AGO3: variants seen among roughly 807,000 people sequenced by gnomAD.
AGO3 encodes the protein argonaute RISC catalytic component 3.
Under a neutral mutation model 105.5 loss-of-function variants are expected in AGO3, and 16 were observed. The ratio of observed to expected loss-of-function variants is 0.15; its 90% confidence interval spans 0.10 to 0.23. The LOEUF is 0.23. AGO3 is among the 10% of genes least tolerant of loss of function. The pLI is 1.00. For missense variants in AGO3, 534 were observed against 1,088.0 expected (o/e 0.49, Z 7.16); for synonymous variants, 340 against 367.3 (o/e 0.93, Z 0.85).
rs549911987 is a variant in AGO3 at position 36,033,218 on chromosome 1, T to A, written c.1592-956T>A. On this transcript the variant is annotated intron_variant, in intron 12 of 18. Coordinates refer to ENST00000373191, the MANE Select transcript of AGO3 (RefSeq NM_024852.4). The stretch of plus-strand genomic sequence containing the variant: ...TAGGTGAGGTGGTGCACACCTGTAA[T>A]CCCAGCTACTCGGGAGGCTGAGGTA... 4.6e-5 allele frequency among the ~76,000 whole-genome samples: 7 copies of A among 151,026 alleles called. No homozygotes were observed. The East Asian group carries it at 1.4e-3, about 29-fold the overall frequency.
At chr1:36,015,565 A>G (rs1640863362) in intron 11 of AGO3, among the ~76,000 whole-genome samples, 1 of 152,224 alleles carries the variant, frequency 6.6e-6, no homozygotes, top group Non-Finnish European at 1.5e-5. Flanking sequence ...GAAGCTACCT[A>G]TAGGCTACCA....
intron 1 of AGO3, among the ~76,000 whole-genome samples, chr1:35,938,821 T>C (rs72661626): frequency 0.029 from 4,408 of 152,296 alleles, 102 homozygotes; most frequent in Admixed American, 0.05. Flanking sequence ...GTATATGTTA[T>C]AGTTGATTTT....
rs567553342 is a variant in AGO3 at position 35,981,817 on chromosome 1, G to A, written c.658+8306G>A. On this transcript the variant is annotated intron_variant, in intron 5 of 18. Coordinates refer to ENST00000373191, the MANE Select transcript of AGO3 (RefSeq NM_024852.4). Reference sequence around the variant, plus strand: ...CTCAGTTCTAAACATTGTAGTTCCCGCTTGGTATAGATTCTTTTCTTTCTG... The same window carrying A: ...CTCAGTTCTAAACATTGTAGTTCCCACTTGGTATAGATTCTTTTCTTTCTG... Among the ~76,000 whole-genome samples, 6 of 152,060 alleles carry A rather than the reference G, an allele frequency of 3.9e-5. 1 individual carries two copies. In the South Asian group the frequency reaches 1.0e-3, roughly 26 times the overall value.
At chr1:35,995,209 A>AAAAAAATATATATATATATAT (rs1237315557) in intron 5 of AGO3, among the ~76,000 whole-genome samples, 2 of 114,790 alleles carry the variant, frequency 1.7e-5, no homozygotes, top group African/African-American at 3.8e-5. Flanking sequence ...TAAAAAAAAA[A>AAAAAAATATATATATATATAT]ATATATATAT....
In AGO3 at chr1:35,942,863, A is replaced by G. The variant is rs1037399418; in HGVS notation, c.20-2829A>G. On this transcript the variant is annotated intron_variant, in intron 1 of 18. Coordinates refer to ENST00000373191, the MANE Select transcript of AGO3 (RefSeq NM_024852.4). ...ATTTTCTATAACTGAAACTATATCC[A>G]TTTAACAAATCTGCATTTGCTCATA... Among the ~76,000 whole-genome samples, 14 of 152,334 alleles carry G rather than the reference A, an allele frequency of 9.2e-5. No individual in the cohort carries two copies. In the South Asian group the frequency reaches 2.3e-3, roughly 25 times the overall value.
Position 36,055,228 on chromosome 1 carries a change from C to T in AGO3, c.2474+83C>T, listed in dbSNP as rs1262148348. The stretch of plus-strand genomic sequence containing the variant: ...ATTTTCAAGTTCCACAAGCTATTAG[C>T]GGAGTCAGTGATCCATGTGAAAAAT... On this transcript the variant is annotated intron_variant, in intron 18 of 18. Transcript: ENST00000373191. The surrounding 1 kb of genome is among the most constrained non-coding windows in gnomAD (Gnocchi z 4.4). The T allele has an allele frequency of 1.3e-5, 18 of 1,409,554 alleles. No homozygotes were observed. The highest frequency in any genetic ancestry group is 5.0e-5 in the East Asian group (2 of 40,144). 87.3% of individuals were successfully genotyped at this position (1,409,554 alleles called of 1,614,324 possible). A position where few individuals can be genotyped will look rare whatever the true frequency, so the allele number is the denominator to read the frequency against.
Position 36,056,236 on chromosome 1 carries a change from A to T in AGO3, c.*491A>T, listed in dbSNP as rs1642912958. 6.5e-6 allele frequency: 1 copy of T among 153,578 alleles called. No individual in the cohort carries two copies. The highest frequency in any genetic ancestry group is 2.0e-4 in the South Asian group (1 of 4,938). 9.5% of individuals were successfully genotyped at this position (153,578 alleles called of 1,614,324 possible). On this transcript the variant is annotated 3_prime_UTR_variant, in exon 19 of 19. Coordinates refer to ENST00000373191, the MANE Select transcript of AGO3 (RefSeq NM_024852.4). ...TAAAATATATACATCCATACTTCAT[A>T]TGCATATATATCTAGATCTGGATTG... is the stretch of plus-strand genomic sequence containing the variant.
upstream of AGO3, chr1:35,930,734 C>G (rs1308555409): frequency 6.5e-6 from 1 of 154,750 alleles, no homozygotes; most frequent in African/African-American, 2.4e-5. Context: ...GAGGGTGGCC[C>G]TACCCCAGCG....
chr1:35,981,234 AT>A, intron 5 of AGO3, among the ~76,000 whole-genome samples: 1 of 152,076 alleles, frequency 6.6e-6, no homozygotes, highest in Middle Eastern at 3.2e-3. Flanking sequence ...TTTCTATGGT[AT>A]TATTGTATGT....
At chr1:35,939,799 A>G (rs527420107) in intron 1 of AGO3, among the ~76,000 whole-genome samples, 3 of 152,152 alleles carry the variant, frequency 2.0e-5, no homozygotes, top group African/African-American at 7.2e-5. Flanking sequence ...GCAGAACTGT[A>G]TAATAAACTC....
intron 6 of AGO3, among the ~76,000 whole-genome samples, chr1:36,006,175 A>G (rs1156232755): frequency 6.6e-6 from 1 of 151,890 alleles, no homozygotes; most frequent in Non-Finnish European, 1.5e-5. Flanking sequence ...ACCCAAGAGA[A>G]TAAGAGTTTT....
At chr1:35,933,443 G>A (rs753040315) in intron 1 of AGO3, among the ~76,000 whole-genome samples, 3 of 151,826 alleles carry the variant, frequency 2.0e-5, no homozygotes, top group Non-Finnish European at 4.4e-5. Context: ...AGCAGTTGGA[G>A]ACCAGCCTAG....
intron 2 of AGO3, among the ~76,000 whole-genome samples, chr1:35,956,034 C>A (rs1342889959): frequency 6.6e-6 from 1 of 152,110 alleles, no homozygotes; most frequent in Non-Finnish European, 1.5e-5. Flanking sequence ...AATCTTAATT[C>A]CTAATTGTTC....
chr1:36,031,140 T>C (rs75842142), intron 12 of AGO3, among the ~76,000 whole-genome samples: 2,040 of 152,312 alleles, frequency 0.013, 36 homozygotes, highest in African/African-American at 0.046. Context: ...TTTATTTATT[T>C]GCTGACCTTC....
chr1:35,992,834 G>A (rs979392163), intron 5 of AGO3, among the ~76,000 whole-genome samples: 1 of 152,176 alleles, frequency 6.6e-6, no homozygotes, highest in Non-Finnish European at 1.5e-5. Context: ...GACTTCGATG[G>A]TTCTAGTTCA....
At chr1:35,934,611 AGGGTCC>A (rs1390349793) in intron 1 of AGO3, among the ~76,000 whole-genome samples, 1 of 152,140 alleles carries the variant, frequency 6.6e-6, no homozygotes. Flanking sequence ...TAATGCCATC[AGGGTCC>A]CAATTTAGTA....
intron 11 of AGO3, among the ~76,000 whole-genome samples, chr1:36,022,886 A>C (rs1293226142): frequency 1.3e-5 from 2 of 148,612 alleles, no homozygotes; most frequent in Admixed American, 6.8e-5. Context: ...GCTCCATTGC[A>C]CTTCAGCCCA....
chr1:36,034,268 A>G lies in AGO3; in HGVS notation c.1686A>G (p.Ser562=). Residue 562 remains serine, a synonymous_variant, in exon 13 of 19, where the codon TCA becomes TCG. Transcript: ENST00000373191. ...NVIKTSPQTL[S]NLCLKINVKL... is the part of the protein sequence containing the mutation. ...TAAAAACATCTCCTCAAACTCTGTC[A>G]AACTTGTGCCTAAAGATAAATGTTA... 6.2e-7 allele frequency: 1 copy of G among 1,612,160 alleles called. No homozygotes were observed. Among genetic ancestry groups the G allele is most frequent in the South Asian group, 1.1e-5 (1 of 90,650 alleles).
intron 11 of AGO3, among the ~76,000 whole-genome samples, chr1:36,023,851 T>G (rs935439926): frequency 3.3e-5 from 5 of 152,238 alleles, no homozygotes; most frequent in Admixed American, 1.3e-4. Context: ...TTCAGTTTCC[T>G]TACTTTCCAA....
Sources: gnomAD v4.1 joint callset for allele counts (sites outside exome capture counted in the v4.1 genomes callset) on GRCh38, gnomAD v4.1.1 for gene constraint, Gnocchi (gnomAD v3.1) non-coding constraint, MANE v1.5 for transcripts, NCBI Gene and HGNC (gene_info 2026-07-23, HGNC 2026-07-21) for gene names.